KAT2B: variants seen among roughly 807,000 people sequenced by gnomAD.
KAT2B encodes lysine acetyltransferase 2B.
In KAT2B, 36 loss-of-function variants were observed where a neutral mutation model predicts 105.9. That is an observed-to-expected ratio of 0.34 (90% confidence interval 0.26 to 0.45). The LOEUF (loss-of-function observed/expected upper bound fraction) is 0.45. Among genes scored for constraint, KAT2B ranks in the 20% least tolerant of loss-of-function variants. The pLI, the probability that KAT2B is intolerant of heterozygous loss-of-function variation, is 1.00. For synonymous variants in KAT2B, 397 were observed against 377.9 expected, an observed-to-expected ratio of 1.05 and a Z score of -0.59; for missense variants, 820 against 1,021.6, an observed-to-expected ratio of 0.80 and a Z score of 2.69.
chr3:20,085,264 A>T (rs1698592486), intron 2 of KAT2B, among the ~76,000 whole-genome samples: 1 of 152,204 alleles, frequency 6.6e-6, no homozygotes, highest in Non-Finnish European at 1.5e-5. Context: ...ACTGACATAA[A>T]AATGTTGACC....
At position 20,086,788 on chromosome 3, in the gene KAT2B, A is replaced by T. The variant is rs1434545824; in HGVS notation, c.431-8475A>T. Among the ~76,000 whole-genome samples the T allele has an allele frequency of 2.0e-5, 3 of 150,028 alleles. No homozygotes were observed. In the East Asian group the frequency reaches 6.0e-4, roughly 30 times the overall value. ...TAGGACATTTGTGTTATTTAAAAAC[A>T]AATAGATTTTTTTTTTTTTTTGAGA... On this transcript the variant is annotated intron_variant, in intron 2 of 17. Transcript: ENST00000263754.
chr3:20,141,478 C>T (rs1189357106), intron 13 of KAT2B, among the ~76,000 whole-genome samples: 1 of 152,146 alleles, frequency 6.6e-6, no homozygotes, highest in Non-Finnish European at 1.5e-5. Flanking sequence ...CCTGGCTGCT[C>T]CCAGTTGGGT....
chr3:20,108,703 G>T (rs1298128034), intron 5 of KAT2B, among the ~76,000 whole-genome samples: 1 of 151,948 alleles, frequency 6.6e-6, no homozygotes, highest in Non-Finnish European at 1.5e-5. Flanking sequence ...GTCCACCATA[G>T]GTCCGTGGCT....
intron 1 of KAT2B, among the ~76,000 whole-genome samples, chr3:20,052,141 T>C (rs1697926329): frequency 6.6e-6 from 1 of 152,256 alleles, no homozygotes; most frequent in Non-Finnish European, 1.5e-5. Context: ...CAAAGCCTCA[T>C]TCCAGTCTGT....
In KAT2B at chr3:20,072,404, G is replaced by A. The variant is rs1162536284; in HGVS notation, c.375G>A (p.Leu125=). Residue 125 remains leucine (L), a synonymous_variant, in exon 2 of 18, where the codon CTG becomes CTA. Coordinates refer to ENST00000263754, the MANE Select transcript of KAT2B (RefSeq NM_003884.5). The stretch of plus-strand genomic sequence containing the variant: ...CACCCACTCCCCCCAGAGCCGACCT[G>A]CAGCAAATAATTGTCAGTCTAACAG... The part of the protein sequence containing the change: ...NPSPTPPRAD[L]QQIIVSLTES... The A allele has an allele frequency of 1.7e-5, 28 of 1,613,652 alleles. No homozygotes were observed. The highest frequency in any genetic ancestry group is 2.4e-5 in the Non-Finnish European group (28 of 1,179,588).
At chr3:20,067,465 A>G (rs1459317481) in intron 1 of KAT2B, among the ~76,000 whole-genome samples, 1 of 152,162 alleles carries the variant, frequency 6.6e-6, no homozygotes. Flanking sequence ...AAGAAGGGGC[A>G]TAAATAAACT....
intron 7 of KAT2B, among the ~76,000 whole-genome samples, chr3:20,116,766 T>A (rs528637428): frequency 1.3e-5 from 2 of 152,252 alleles, no homozygotes; most frequent in South Asian, 2.1e-4. Context: ...TCACAAACCC[T>A]GGGAAGTTGG....
In KAT2B at chr3:20,111,554, G is replaced by C. The variant is rs147677527; in HGVS notation, c.852-42G>C. ...AATTGAATATTTCTGATGACCTGGGGGTTTATGGGATATTGATGGTGCTTG... is the reference window on the plus strand; with the variant it reads ...AATTGAATATTTCTGATGACCTGGGCGTTTATGGGATATTGATGGTGCTTG... On this transcript the variant is annotated intron_variant, in intron 5 of 17. Transcript: ENST00000263754. 4.9e-4 allele frequency: 733 copies of C among 1,487,712 alleles called. 6 individuals carry two copies. The African/African-American group carries it at 4.9e-3, about 10-fold the overall frequency. 92.2% of individuals were successfully genotyped at this position (1,487,712 alleles called of 1,614,324 possible). A position where few individuals can be genotyped will look rare whatever the true frequency, so the allele number is the denominator to read the frequency against.
At chr3:20,089,934 A>T (rs1482465994) in intron 2 of KAT2B, among the ~76,000 whole-genome samples, 1 of 152,114 alleles carries the variant, frequency 6.6e-6, no homozygotes, top group Middle Eastern at 3.4e-3. Flanking sequence ...TGAGCCCAGA[A>T]TTTGAGAAGA....
At position 20,125,967 on chromosome 3, in the gene KAT2B, T is replaced by C; in HGVS notation, c.1476T>C (p.Gly492=). 2 of 1,613,734 alleles carry C rather than the reference T, an allele frequency of 1.2e-6. No homozygotes were observed. Among genetic ancestry groups the C allele is most frequent in the Non-Finnish European group, 1.7e-6 (2 of 1,179,898 alleles). Residue 492 remains glycine (G), a synonymous_variant, in exon 10 of 18, where the codon GGT becomes GGC. Transcript: ENST00000263754. ...DEAARLEERR[G]VIEFHVVGNS... is the part of the protein sequence containing the mutation. ...CGGCAAGGTTGGAAGAGCGCAGGGG[T>C]GTAATTGAATTTCACGTGGTTGGCA...
At chr3:20,064,694 A>G (rs73819096) in intron 1 of KAT2B, among the ~76,000 whole-genome samples, 1 of 152,322 alleles carries the variant, frequency 6.6e-6, no homozygotes, top group African/African-American at 2.4e-5. Flanking sequence ...TCTTTTAATA[A>G]TGGCAATAAT....
At chr3:20,109,525 C>T (rs999456130) in intron 5 of KAT2B, among the ~76,000 whole-genome samples, 1 of 152,044 alleles carries the variant, frequency 6.6e-6, no homozygotes, top group African/African-American at 2.4e-5. Flanking sequence ...ACTATGTTGC[C>T]CAGGCTGGTC....
chr3:20,123,620 G>T (rs2125176526), intron 9 of KAT2B, among the ~76,000 whole-genome samples: 1 of 152,312 alleles, frequency 6.6e-6, no homozygotes, highest in South Asian at 2.1e-4. Flanking sequence ...CATATAGCCA[G>T]ATGATGTCAG....
chr3:20,057,503 C>T (rs1235779651), intron 1 of KAT2B, among the ~76,000 whole-genome samples: 1 of 152,192 alleles, frequency 6.6e-6, no homozygotes. Context: ...TATTAGTCAG[C>T]TGGTTGTCTG....
In KAT2B at chr3:20,046,719, G is replaced by A. The variant is rs1380162952; in HGVS notation, c.303+5939G>A. 7.2e-5 allele frequency among the ~76,000 whole-genome samples: 11 copies of A among 152,218 alleles called. No individual in the cohort carries two copies. The East Asian group carries it at 1.4e-3, about 19-fold the overall frequency. ...AGAACAAGCCTTATAGTTGGAGAGC[G>A]CCCCCAACACCTTTGTATTTGTCAG... On this transcript the variant is annotated intron_variant, in intron 1 of 17. Coordinates refer to ENST00000263754, the MANE Select transcript of KAT2B (RefSeq NM_003884.5).
In KAT2B at chr3:20,080,521, G is replaced by T. The variant is rs531529833; in HGVS notation, c.430+8062G>T. 5.1e-4 allele frequency among the ~76,000 whole-genome samples: 78 copies of T among 152,286 alleles called. 1 individual carries two copies. In the South Asian group the frequency reaches 5.4e-3, roughly 11 times the overall value. ...CTGTACTGAACTGTGATTAAGAGTT[G>T]ACTTTTTCTCTAGTTTGTAATATAT... On this transcript the variant is annotated intron_variant, in intron 2 of 17. Coordinates refer to ENST00000263754, the MANE Select transcript of KAT2B (RefSeq NM_003884.5).
intron 2 of KAT2B, among the ~76,000 whole-genome samples, chr3:20,093,106 A>G: frequency 6.6e-6 from 1 of 152,156 alleles, no homozygotes. Flanking sequence ...CTGAAAATGC[A>G]TTTGTTTAGA....
chr3:20,048,872 C>A (rs1252766606), intron 1 of KAT2B, among the ~76,000 whole-genome samples: 4 of 152,012 alleles, frequency 2.6e-5, no homozygotes, highest in Admixed American at 1.3e-4. Flanking sequence ...TGGGCAGCGC[C>A]CCCCTTTTCT....
At chr3:20,095,939 T>C (rs1329664813) in intron 3 of KAT2B, among the ~76,000 whole-genome samples, 1 of 151,918 alleles carries the variant, frequency 6.6e-6, no homozygotes, top group African/African-American at 2.4e-5. Context: ...TCTGAGGAGA[T>C]GGAAGTTGAG....
Sources: gnomAD v4.1 joint callset for allele counts (sites outside exome capture counted in the v4.1 genomes callset) on GRCh38, gnomAD v4.1.1 for gene constraint, MANE v1.5 for transcripts, NCBI Gene and HGNC (gene_info 2026-07-23, HGNC 2026-07-21) for gene names.